SEPTIN4: variants seen among roughly 807,000 people sequenced by gnomAD.
SEPTIN4 encodes septin 4.
In SEPTIN4, 52 loss-of-function variants were observed where a neutral mutation model predicts 107.1. The observed-to-expected ratio is 0.49, with a 90% CI of 0.39 to 0.61. The LOEUF (loss-of-function observed/expected upper bound fraction) is 0.61. Among genes scored for constraint, SEPTIN4 ranks in the 20% least tolerant of loss-of-function variants. SEPTIN4 has a pLI of 0.00. For synonymous variants in SEPTIN4, 417 were observed against 467.0 expected (o/e 0.89, Z 1.38); for missense variants, 1,048 against 1,243.5 (o/e 0.84, Z 2.36).
At position 58,543,308 on chromosome 17, in the gene SEPTIN4, A is replaced by G. The variant is rs2043934277; in HGVS notation, c.879T>C (p.Pro293=). 6.2e-7 allele frequency: 1 copy of G among 1,614,200 alleles called. No homozygotes were observed. The change falls in exon 1 of 14, where the codon CCT becomes CCC. Residue 293 remains proline, a synonymous_variant. Coordinates refer to ENST00000672673, the MANE Select transcript of SEPTIN4 (RefSeq NM_001368771.2). The part of the protein sequence containing the change: ...GVHRVSARVD[P]ESLHKYSAYP... ...AGGCAGAATACTTATGAAGAGACTC[A>G]GGGTCTACCCGTGCAGAAACTCGGT...
chr17:58,529,509 A>G (rs990134585), intron 3 of SEPTIN4: 2 of 860,572 alleles, frequency 2.3e-6, no homozygotes, highest in African/African-American at 1.8e-5. Context: ...CCTGGTGGGC[A>G]CAGCACCAAC....
chr17:58,542,573 A>T, intron 1 of SEPTIN4, 53 bp downstream of exon 1: 2 of 1,553,194 alleles, frequency 1.3e-6, no homozygotes, highest in Non-Finnish European at 1.7e-6. Flanking sequence ...CCACCCCAAC[A>T]TCCCATCTCA....
Position 58,526,909 on chromosome 17 carries a change from T to C in SEPTIN4, c.1684A>G (p.Asn562Asp). The C allele has an allele frequency of 6.2e-7, 1 of 1,614,118 alleles. No individual in the cohort carries two copies. Among genetic ancestry groups the C allele is most frequent in the South Asian group, 1.1e-5 (1 of 91,090 alleles). Residue 562 changes from asparagine (N) to aspartate (D), a missense_variant, in exon 4 of 14, where the codon AAT becomes GAT. Coordinates refer to ENST00000672673, the MANE Select transcript of SEPTIN4 (RefSeq NM_001368771.2). ...LSKFVKDFSGNASCHPPEAKT... is the reference protein window; with the variant it reads ...LSKFVKDFSGDASCHPPEAKT... ...GCCTCTGGTGGGTGGCAGCTCGCAT[T>C]TCCTGAGAAATCCTTCACGAACTTG...
Position 58,543,834 on chromosome 17 carries a change from C to T in SEPTIN4, c.353G>A (p.Ser118Asn), listed in dbSNP as rs2043953321. The change falls in exon 1 of 14, where the codon AGC (serine) becomes AAC (asparagine). Residue 118 changes from serine to asparagine, a missense_variant. Physicochemically the swap from Ser to Asn is conservative, Grantham distance 46. Transcript: ENST00000672673. ...GGGTGGACTAACTTTCCATTGTCTG[C>T]TTGAAGCATGGGAAGCCAGTGTCTG... is the stretch of plus-strand genomic sequence containing the variant. ...KTQTLASHAS[S>N]RQWKVSPPRE... 6.2e-7 allele frequency: 1 copy of T among 1,614,166 alleles called. No homozygotes were observed.
chr17:58,538,027 G>A lies in SEPTIN4; in HGVS notation c.1614+2639C>T, dbSNP rs1473362070. On this transcript the variant is annotated intron_variant, in intron 3 of 13. Transcript: ENST00000672673. The surrounding 1 kb of genome is among the most constrained non-coding windows in gnomAD (Gnocchi z 4.7). The stretch of plus-strand genomic sequence containing the variant: ...AAGGATCACTTGAGCCCAGGAATTC[G>A]AGATTACAGTGAGCTATGGATTGCA... 2.0e-5 allele frequency among the ~76,000 whole-genome samples: 3 copies of A among 152,102 alleles called. No individual in the cohort carries two copies. The highest frequency in any genetic ancestry group is 2.9e-5 in the Non-Finnish European group (2 of 68,022).
At position 58,525,582 on chromosome 17, in the gene SEPTIN4, C is replaced by G. The variant is rs188703420; in HGVS notation, c.2092+113G>C. 5.4e-6 allele frequency: 5 copies of G among 919,832 alleles called. No homozygotes were observed. The Admixed American group carries it at 8.2e-5, about 15-fold the overall frequency. The allele number at this position is 919,832 out of a possible 1,614,324, so 57.0% of individuals were successfully genotyped here. A position where few individuals can be genotyped will look rare whatever the true frequency, so the allele number is the denominator to read the frequency against. ...AGGCCTATGGAGAGCTGCTGTCAGT[C>G]TCTCTAGGAGGCCATGGTTTCCTGC... is the stretch of plus-strand genomic sequence containing the variant. On this transcript the variant is annotated intron_variant, in intron 6 of 13. Coordinates refer to ENST00000672673, the MANE Select transcript of SEPTIN4 (RefSeq NM_001368771.2).
chr17:58,526,336 G>A (rs1317049553), intron 4 of SEPTIN4, 23 bp from the exon 5 acceptor site: 2 of 1,521,504 alleles, frequency 1.3e-6, no homozygotes, highest in Non-Finnish European at 1.8e-6. Flanking sequence ...AAGGCAGAAT[G>A]CATCACGGTG....
chr17:58,525,155 T>C lies in SEPTIN4; in HGVS notation c.2139A>G (p.Ile713Met). The C allele has an allele frequency of 3.7e-6, 6 of 1,614,250 alleles. No homozygotes were observed. The highest frequency in any genetic ancestry group is 5.1e-6 in the Non-Finnish European group (6 of 1,180,048). ...TVEITKHAVD[I>M]EEKGVRLRLT... ...GCCGCAGCCTCACACCCTTCTCTTC[T>C]ATGTCCACTGCATGCTTAGTGATCT... The change falls in exon 7 of 14, where the codon ATA (isoleucine) becomes ATG (methionine). Residue 713 changes from isoleucine (I) to methionine (M), a missense_variant. Coordinates refer to ENST00000672673, the MANE Select transcript of SEPTIN4 (RefSeq NM_001368771.2).
chr17:58,537,358 C>T (rs1037145103), intron 3 of SEPTIN4, among the ~76,000 whole-genome samples: 1 of 152,186 alleles, frequency 6.6e-6, no homozygotes, highest in African/African-American at 2.4e-5. Context: ...CAGGCAAACC[C>T]TGATGAGTTG....
At chr17:58,531,407 C>G (rs1297438608) in intron 3 of SEPTIN4, 3 of 152,342 alleles carry the variant, frequency 2.0e-5, no homozygotes, top group Non-Finnish European at 4.4e-5. Flanking sequence ...CTCCCCCTCT[C>G]TGGGGTCCCT....
rs150617362 is a variant in SEPTIN4 at position 58,543,272 on chromosome 17, G to T, written c.915C>A (p.Thr305=). 9.3e-6 allele frequency: 15 copies of T among 1,614,152 alleles called. No individual in the cohort carries two copies. The African/African-American group carries it at 1.5e-4, about 16-fold the overall frequency. ...ATACTAAGACCTTTGCGGAGGGCTT[G>T]GTTTCAGGATAGGCAGAATACTTAT... ...SLHKYSAYPE[T]KPSAKVLVSS... Residue 305 remains threonine, a synonymous_variant, in exon 1 of 14, where the codon ACC becomes ACA. Coordinates refer to ENST00000672673, the MANE Select transcript of SEPTIN4 (RefSeq NM_001368771.2).
intron 3 of SEPTIN4, chr17:58,532,182 CA>C (rs1285748793): frequency 1.2e-6 from 1 of 860,672 alleles, no homozygotes; most frequent in Admixed American, 5.5e-5. Flanking sequence ...TCGGGGTGCC[CA>C]GCTGGGGGCC....
At position 58,543,187 on chromosome 17, in the gene SEPTIN4, T is replaced by G; in HGVS notation, c.1000A>C (p.Arg334=). The change falls in exon 1 of 14, where the codon AGG becomes CGG. Residue 334 remains arginine, a synonymous_variant. Coordinates refer to ENST00000672673, the MANE Select transcript of SEPTIN4 (RefSeq NM_001368771.2). ...PIRGNSEVGR[R]VTISPGVQSV... ...TGTACCCCTGGGGAGATGGTGACCC[T>G]GCGGCCAACCTCGCTGTTTCCTCGG... is the stretch of plus-strand genomic sequence containing the variant. The G allele has an allele frequency of 2.5e-6, 4 of 1,614,142 alleles. No homozygotes were observed. Among genetic ancestry groups the G allele is most frequent in the Non-Finnish European group, 3.4e-6 (4 of 1,180,010 alleles).
At chr17:58,539,777 AAGGG>A (rs1222653420) in intron 3 of SEPTIN4, among the ~76,000 whole-genome samples, 3 of 152,020 alleles carry the variant, frequency 2.0e-5, no homozygotes, top group Non-Finnish European at 4.4e-5. Flanking sequence ...GGAAGGGAGA[AAGGG>A]AGGGAGGGAC....
chr17:58,543,872 C>G lies in SEPTIN4; in HGVS notation c.315G>C (p.Lys105Asn). 6.2e-7 allele frequency: 1 copy of G among 1,614,086 alleles called. No individual in the cohort carries two copies. The highest frequency in any genetic ancestry group is 8.5e-7 in the Non-Finnish European group (1 of 1,180,016). The change falls in exon 1 of 14, where the codon AAG (lysine) becomes AAC (asparagine). Residue 105 changes from lysine (K) to asparagine (N), a missense_variant. Transcript: ENST00000672673. ...AAGCCAGTGTCTGAGTCTTCTGGCT[C>G]TTTAGATGGGGAGAGGAATGGCGGG... Reference protein sequence around the residue: ...ESSRHSSPHLKSQKTQTLASH... With the variant: ...ESSRHSSPHLNSQKTQTLASH...
intron 13 of SEPTIN4, 38 bp downstream of exon 13, chr17:58,520,705 A>C (rs1454905935): frequency 1.6e-5 from 25 of 1,610,698 alleles, no homozygotes; most frequent in Non-Finnish European, 2.1e-5. Context: ...GTTGGTGATC[A>C]AACAGGAGAC....
In SEPTIN4 at chr17:58,526,822, C is replaced by A. The variant is rs1341726014; in HGVS notation, c.1771G>T (p.Asp591Tyr). The change falls in exon 4 of 14, where the codon GAT becomes TAT. Residue 591 changes from aspartate (D) to tyrosine (Y), a missense_variant. Transcript: ENST00000672673. ...EPRPQAPDLY[D>Y]DDLEFRPPSR... ...GGGGGTCTGAACTCCAGGTCATCAT[C>A]ATAGAGGTCCGGGGCCTGGGGCCTT... The A allele has an allele frequency of 4.3e-6, 7 of 1,613,800 alleles. No individual in the cohort carries two copies. The highest frequency in any genetic ancestry group is 5.9e-6 in the Non-Finnish European group (7 of 1,179,916).
chr17:58,542,463 G>A (rs890591766), intron 1 of SEPTIN4, among the ~76,000 whole-genome samples, 163 bp downstream of exon 1: 4 of 152,200 alleles, frequency 2.6e-5, no homozygotes, highest in Non-Finnish European at 5.9e-5. Context: ...AGAGAAGCTG[G>A]CAGGGAAGGA....
At position 58,526,765 on chromosome 17, in the gene SEPTIN4, A is replaced by G; in HGVS notation, c.1828T>C (p.Tyr610His). The G allele has an allele frequency of 6.2e-7, 1 of 1,613,714 alleles. No homozygotes were observed. Among genetic ancestry groups the G allele is most frequent in the South Asian group, 1.1e-5 (1 of 91,064 alleles). Residue 610 changes from tyrosine to histidine, a missense_variant, in exon 4 of 14, where the codon TAC becomes CAC. Transcript: ENST00000672673. ...CTGAGAGGGGCTGGGGCACAGAAGT[A>G]CTGCTGGTTGTCAGAGGACTGGGGC... ...SRPQSSDNQQ[Y>H]FCAPAPLSPS...
Sources: gnomAD v4.1 joint callset for allele counts (sites outside exome capture counted in the v4.1 genomes callset) on GRCh38, gnomAD v4.1.1 for gene constraint, Gnocchi (gnomAD v3.1) non-coding constraint, MANE v1.5 for transcripts, NCBI Gene and HGNC (gene_info 2026-07-23, HGNC 2026-07-21) for gene names.